KCND2: variants seen among roughly 807,000 people sequenced by gnomAD.
The protein encoded by KCND2 is potassium voltage-gated channel subfamily D member 2.
A neutral mutation model predicts 54.4 loss-of-function variants in KCND2; 16 were observed. The observed-to-expected ratio is 0.29, with a 90% CI of 0.20 to 0.45. The LOEUF is 0.45. Among genes scored for constraint, KCND2 ranks in the 20% least tolerant of loss-of-function variants. KCND2 has a pLI of 1.00. For missense variants in KCND2, 486 were observed against 824.2 expected (o/e 0.59, Z 5.02); for synonymous variants, 317 against 310.7 (o/e 1.02, Z -0.21).
intron 1 of KCND2, among the ~76,000 whole-genome samples, chr7:120,677,393 G>A (rs2116581894): frequency 6.6e-6 from 1 of 152,114 alleles, no homozygotes; most frequent in South Asian, 2.1e-4. Context: ...AAAATAAGGT[G>A]ATGAACAGAC....
chr7:120,674,065 G>T (rs1286726741), intron 1 of KCND2, among the ~76,000 whole-genome samples: 1 of 151,836 alleles, frequency 6.6e-6, no homozygotes, highest in East Asian at 1.9e-4. Flanking sequence ...CACCACGCTG[G>T]GCTAATTTTT....
chr7:120,539,128 A>G (rs773693024), intron 1 of KCND2, among the ~76,000 whole-genome samples: 20 of 152,316 alleles, frequency 1.3e-4, no homozygotes, highest in Middle Eastern at 3.4e-3. Flanking sequence ...TAAAGCAACA[A>G]TAAGAAGGGT....
At chr7:120,382,233 C>T (rs545136086) in intron 1 of KCND2, among the ~76,000 whole-genome samples, 2 of 151,812 alleles carry the variant, frequency 1.3e-5, no homozygotes, top group South Asian at 2.1e-4. Flanking sequence ...TTCTCATTGT[C>T]TAAAGTTTGA....
chr7:120,748,049 CT>C lies in KCND2; in HGVS notation c.*192del. The C allele has an allele frequency of 1.8e-6, 1 of 570,094 alleles. No individual in the cohort carries two copies. Among genetic ancestry groups the C allele is most frequent in the East Asian group, 3.1e-5 (1 of 32,540 alleles). 35.3% of individuals were successfully genotyped at this position (570,094 alleles called of 1,614,324 possible). A position where few individuals can be genotyped will look rare whatever the true frequency, so the allele number is the denominator to read the frequency against. ...AAATGGCATTTCTAGACAGTTTGAC[CT>C]GTTATACAGAGTAATATTCTGTGGC... On this transcript the variant is annotated 3_prime_UTR_variant, in exon 6 of 6. Transcript: ENST00000331113.
chr7:120,614,629 G>A (rs1792998652), intron 1 of KCND2, among the ~76,000 whole-genome samples: 3 of 152,120 alleles, frequency 2.0e-5, no homozygotes, highest in Admixed American at 2.0e-4. Flanking sequence ...AATGCAATAA[G>A]CATTGGAATG....
At chr7:120,679,420 A>T (rs978383396) in intron 1 of KCND2, among the ~76,000 whole-genome samples, 13 of 152,030 alleles carry the variant, frequency 8.6e-5, no homozygotes, top group African/African-American at 3.1e-4. Context: ...GGGCAGAATT[A>T]AAAAATTCTA....
chr7:120,368,796 C>T (rs1430384525), intron 1 of KCND2, among the ~76,000 whole-genome samples: 1 of 151,982 alleles, frequency 6.6e-6, no homozygotes, highest in Non-Finnish European at 1.5e-5. Context: ...GTGAAGAAGA[C>T]TGTAATAAAG....
chr7:120,376,724 A>G (rs1255974289), intron 1 of KCND2, among the ~76,000 whole-genome samples: 3 of 151,820 alleles, frequency 2.0e-5, no homozygotes, highest in African/African-American at 7.2e-5. Flanking sequence ...CTTTTCAAGA[A>G]TCATGAAAAA....
intron 1 of KCND2, among the ~76,000 whole-genome samples, chr7:120,709,084 A>G (rs918153082): frequency 5.9e-5 from 9 of 152,166 alleles, no homozygotes; most frequent in African/African-American, 2.2e-4. Context: ...CCAAGGCTGC[A>G]TAATTTCCAG....
At chr7:120,384,118 C>T (rs180726816) in intron 1 of KCND2, among the ~76,000 whole-genome samples, 1 of 152,096 alleles carries the variant, frequency 6.6e-6, no homozygotes, top group Admixed American at 6.6e-5. Flanking sequence ...CATATTATAC[C>T]TAATGCAAGG....
At chr7:120,586,587 G>A (rs1222098817) in intron 1 of KCND2, among the ~76,000 whole-genome samples, 1 of 152,162 alleles carries the variant, frequency 6.6e-6, no homozygotes, top group Non-Finnish European at 1.5e-5. Flanking sequence ...TTTACTGTAT[G>A]AGTCCGTATT....
At chr7:120,440,751 C>A (rs979232367) in intron 1 of KCND2, among the ~76,000 whole-genome samples, 1 of 151,862 alleles carries the variant, frequency 6.6e-6, no homozygotes, top group African/African-American at 2.4e-5. Context: ...GTGTCCCTTC[C>A]CCAACTGGTA....
intron 1 of KCND2, among the ~76,000 whole-genome samples, chr7:120,597,912 A>T (rs553877441): frequency 6.6e-6 from 1 of 152,256 alleles, no homozygotes; most frequent in African/African-American, 2.4e-5. Flanking sequence ...GTATCACAGC[A>T]TCAGCCTTCT....
chr7:120,446,315 C>T (rs1342633251), intron 1 of KCND2, among the ~76,000 whole-genome samples: 1 of 152,108 alleles, frequency 6.6e-6, no homozygotes, highest in East Asian at 1.9e-4. Flanking sequence ...TCATATGCAT[C>T]TTAAGGGCAC....
At chr7:120,322,958 G>A (rs1462869640) in intron 1 of KCND2, among the ~76,000 whole-genome samples, 1 of 152,052 alleles carries the variant, frequency 6.6e-6, no homozygotes, top group East Asian at 1.9e-4. Flanking sequence ...AAAATAAATA[G>A]TTTTAAAACA....
intron 1 of KCND2, among the ~76,000 whole-genome samples, chr7:120,637,152 A>T (rs779668668): frequency 2.6e-5 from 4 of 152,280 alleles, no homozygotes; most frequent in Admixed American, 6.5e-5. Flanking sequence ...TGCCAAAAAA[A>T]GTTTGCTAAA....
Position 120,635,709 on chromosome 7 carries a change from C to T in KCND2, c.1116-97194C>T, listed in dbSNP as rs74748135. Among the ~76,000 whole-genome samples, 518 of 152,182 alleles carry T rather than the reference C, an allele frequency of 3.4e-3. 1 individual carries two copies. The highest frequency in any genetic ancestry group is 5.9e-3 in the Non-Finnish European group (403 of 67,984). ...TTCTTTGGAATGTCTCCAGTGATTA[C>T]GAATATTTGATCTTTAAGAACATCT... On this transcript the variant is annotated intron_variant, in intron 1 of 5. Coordinates refer to ENST00000331113, the MANE Select transcript of KCND2 (RefSeq NM_012281.3).
chr7:120,394,368 G>A (rs779011479), intron 1 of KCND2, among the ~76,000 whole-genome samples: 15 of 151,876 alleles, frequency 9.9e-5, no homozygotes, highest in African/African-American at 2.4e-4. Context: ...TAGTTGAGTC[G>A]TGAGTCCTGA....
At chr7:120,297,944 G>A (rs987811853) in intron 1 of KCND2, among the ~76,000 whole-genome samples, 6 of 152,114 alleles carry the variant, frequency 3.9e-5, no homozygotes, top group African/African-American at 1.4e-4. Flanking sequence ...GATGGAAATG[G>A]TCTACATTTG....
Sources: gnomAD v4.1 joint callset for allele counts (sites outside exome capture counted in the v4.1 genomes callset) on GRCh38, gnomAD v4.1.1 for gene constraint, MANE v1.5 for transcripts, NCBI Gene and HGNC (gene_info 2026-07-23, HGNC 2026-07-21) for gene names.